The following RNGTT variants were observed in gnomAD, a reference collection of about 807,000 sequenced individuals.
The protein encoded by RNGTT is RNA guanylyltransferase and 5'-phosphatase, also known as mRNA-capping enzyme.
RNGTT carries 33 observed loss-of-function variants against 79.3 expected under a neutral mutation model. The ratio of observed to expected loss-of-function variants is 0.42; its 90% confidence interval spans 0.32 to 0.56. The LOEUF is 0.56. Ranked by LOEUF, RNGTT falls within the 20% of genes least tolerant of loss-of-function variation. The probability of loss-of-function intolerance (pLI) is 0.17; values close to 1 mark genes in which losing one functional copy is unlikely to be tolerated. For synonymous variants in RNGTT, 222 were observed against 235.9 expected (o/e 0.94, Z 0.54); for missense variants, 497 against 739.1 (o/e 0.67, Z 3.80).
At chr6:88,806,779 AG>A (rs755039392) in intron 11 of RNGTT, among the ~76,000 whole-genome samples, 13 of 152,226 alleles carry the variant, frequency 8.5e-5, no homozygotes, top group Non-Finnish European at 1.9e-4. Context: ...TCTATTATAA[AG>A]ATATATGCAT....
chr6:88,800,956 A>G (rs947481395), intron 12 of RNGTT, among the ~76,000 whole-genome samples: 4 of 152,216 alleles, frequency 2.6e-5, no homozygotes, highest in African/African-American at 4.8e-5. Context: ...CAGCTCCCAC[A>G]GCAAAGAATT....
At chr6:88,717,075 T>G (rs1776543907) in intron 13 of RNGTT, among the ~76,000 whole-genome samples, 2 of 152,142 alleles carry the variant, frequency 1.3e-5, no homozygotes, top group South Asian at 4.1e-4. Context: ...AGTGAGAACT[T>G]ATGGTTTAGA....
chr6:88,932,926 T>C (rs1161581829), intron 2 of RNGTT, among the ~76,000 whole-genome samples: 1 of 152,224 alleles, frequency 6.6e-6, no homozygotes, highest in African/African-American at 2.4e-5. Flanking sequence ...GAAGACAATT[T>C]ATACCACATA....
At chr6:88,888,175 T>C (rs560946293) in intron 8 of RNGTT, among the ~76,000 whole-genome samples, 1 of 152,042 alleles carries the variant, frequency 6.6e-6, no homozygotes, top group East Asian at 1.9e-4. Context: ...ACCTAAAATA[T>C]GAAACTCCTA....
intron 13 of RNGTT, among the ~76,000 whole-genome samples, chr6:88,729,077 C>A (rs1777019317): frequency 6.6e-6 from 1 of 152,202 alleles, no homozygotes; most frequent in Admixed American, 6.5e-5. Flanking sequence ...AGCTCGCTCT[C>A]TGCTATATGT....
chr6:88,769,606 T>C (rs992636809), intron 13 of RNGTT, among the ~76,000 whole-genome samples, 168 bp downstream of exon 13: 1 of 152,164 alleles, frequency 6.6e-6, no homozygotes. Context: ...GAGTAATCTC[T>C]GAAAACGAAA....
intron 13 of RNGTT, among the ~76,000 whole-genome samples, chr6:88,728,506 G>T (rs1776997764): frequency 6.6e-6 from 1 of 152,200 alleles, no homozygotes; most frequent in Admixed American, 6.5e-5. Flanking sequence ...ACTGGTTTTT[G>T]TAATTTCCTA....
chr6:88,682,772 C>A (rs1775138487), intron 13 of RNGTT, among the ~76,000 whole-genome samples: 1 of 151,986 alleles, frequency 6.6e-6, no homozygotes, highest in African/African-American at 2.4e-5. Context: ...AAATTTTGAA[C>A]AAATAAAATA....
At chr6:88,819,719 C>T (rs1780438438) in intron 11 of RNGTT, among the ~76,000 whole-genome samples, 1 of 152,034 alleles carries the variant, frequency 6.6e-6, no homozygotes, top group African/African-American at 2.4e-5. Flanking sequence ...ATTTTCAACT[C>T]TACTGACATT....
Position 88,771,332 on chromosome 6 carries a change from T to C in RNGTT, c.1339-1458A>G, listed in dbSNP as rs1474048248. Among the ~76,000 whole-genome samples the C allele has an allele frequency of 2.6e-3, 261 of 99,848 alleles. 1 individual carries two copies. The highest frequency in any genetic ancestry group is 3.1e-3 in the Non-Finnish European group (148 of 47,578). The allele number at this position is 99,848 out of a possible 152,430, so 65.5% of individuals were successfully genotyped here. ...GTGTGTGTGTATATATATATATATA[T>C]ATATATATATATATATATACACACA... On this transcript the variant is annotated intron_variant, in intron 12 of 15. Transcript: ENST00000369485.
At chr6:88,854,208 C>T (rs952581232) in intron 8 of RNGTT, among the ~76,000 whole-genome samples, 3 of 151,892 alleles carry the variant, frequency 2.0e-5, no homozygotes, top group Non-Finnish European at 2.9e-5. Context: ...GCGATTACAG[C>T]GATGAGCCAC....
At chr6:88,955,308 T>C (rs1439854895) in intron 1 of RNGTT, among the ~76,000 whole-genome samples, 2 of 151,820 alleles carry the variant, frequency 1.3e-5, no homozygotes, top group African/African-American at 4.8e-5. Context: ...CCTAGCACTT[T>C]GGGAGGCCAA....
chr6:88,697,253 T>C (rs1582344281), intron 13 of RNGTT, among the ~76,000 whole-genome samples: 1 of 152,168 alleles, frequency 6.6e-6, no homozygotes, highest in Non-Finnish European at 1.5e-5. Context: ...TAGTAAACAT[T>C]AGATATGCAT....
chr6:88,877,742 G>A (rs1284994517), intron 8 of RNGTT, among the ~76,000 whole-genome samples: 1 of 152,098 alleles, frequency 6.6e-6, no homozygotes, highest in Non-Finnish European at 1.5e-5. Context: ...ACCATCAAAC[G>A]TAGCTTCAGA....
At chr6:88,777,318 G>C (rs529316211) in intron 12 of RNGTT, among the ~76,000 whole-genome samples, 2 of 152,074 alleles carry the variant, frequency 1.3e-5, no homozygotes, top group East Asian at 3.9e-4. Context: ...AAATTGCTTT[G>C]GCTTTTTCAG....
At chr6:88,701,042 A>G (rs1582352058) in intron 13 of RNGTT, among the ~76,000 whole-genome samples, 1 of 152,014 alleles carries the variant, frequency 6.6e-6, no homozygotes, top group African/African-American at 2.4e-5. Context: ...TTCAAATGGT[A>G]TATGCATGAA....
chr6:88,804,584 A>G (rs1779896256), intron 11 of RNGTT, among the ~76,000 whole-genome samples: 1 of 152,204 alleles, frequency 6.6e-6, no homozygotes, highest in African/African-American at 2.4e-5. Flanking sequence ...AGGTTTTCTA[A>G]GAATAGAGAT....
At chr6:88,750,700 C>G (rs898383410) in intron 13 of RNGTT, among the ~76,000 whole-genome samples, 9 of 152,124 alleles carry the variant, frequency 5.9e-5, no homozygotes, top group Non-Finnish European at 1.3e-4. Flanking sequence ...TAAACATTCC[C>G]GAGTTCCACG....
chr6:88,882,771 G>A (rs907944820), intron 8 of RNGTT, among the ~76,000 whole-genome samples: 2 of 152,106 alleles, frequency 1.3e-5, no homozygotes, highest in African/African-American at 4.8e-5. Flanking sequence ...CACCATTTGA[G>A]CACAAAGCAT....
Sources: gnomAD v4.1 joint callset for allele counts (sites outside exome capture counted in the v4.1 genomes callset) on GRCh38, gnomAD v4.1.1 for gene constraint, MANE v1.5 for transcripts, NCBI Gene and HGNC (gene_info 2026-07-23, HGNC 2026-07-21) for gene names.